The following AFG3L2 variants were observed in gnomAD, a reference collection of about 807,000 sequenced individuals.
AFG3L2 encodes AFG3 like matrix AAA peptidase subunit 2.
In AFG3L2, 54 loss-of-function variants were observed where a neutral mutation model predicts 94.5. The ratio of observed to expected loss-of-function variants is 0.57; its 90% CI spans 0.46 to 0.72. AFG3L2 has a LOEUF of 0.72. Among genes scored for constraint, AFG3L2 ranks in the 30% least tolerant of loss-of-function variants. AFG3L2 has a pLI of 0.00. For synonymous variants in AFG3L2, 377 were observed against 365.5 expected, an observed-to-expected ratio of 1.03 and a Z score of -0.36; for missense variants, 754 against 994.9, an observed-to-expected ratio of 0.76 and a Z score of 3.26.
At chr18:12,372,368 A>G in intron 1 of AFG3L2, among the ~76,000 whole-genome samples, 1 of 152,218 alleles carries the variant, frequency 6.6e-6, no homozygotes, top group East Asian at 1.9e-4. Context: ...CCTCACATCC[A>G]CTATAATCAA....
chr18:12,366,867 G>C (rs1908822545), intron 5 of AFG3L2, 98 bp downstream of exon 5: 16 of 1,494,502 alleles, frequency 1.1e-5, no homozygotes, highest in Non-Finnish European at 1.5e-5. Context: ...TTTTACAATG[G>C]ACGAGCCAGG....
chr18:12,345,370 A>T (rs987811251), intron 13 of AFG3L2, among the ~76,000 whole-genome samples: 2 of 152,176 alleles, frequency 1.3e-5, no homozygotes, highest in African/African-American at 4.8e-5. Context: ...GTACTAAAAC[A>T]AATCATCACA....
chr18:12,332,975 T>TAACATATAC (rs1907598345), intron 16 of AFG3L2, among the ~76,000 whole-genome samples: 2 of 34,012 alleles, frequency 5.9e-5, no homozygotes, highest in Admixed American at 3.6e-4. Context: ...ATATTATATA[T>TAACATATAC]TATATAAATA....
chr18:12,348,408 T>C, intron 12 of AFG3L2, 25 bp from the exon 13 acceptor site: 5 of 1,595,436 alleles, frequency 3.1e-6, no homozygotes, highest in Non-Finnish European at 4.3e-6. Flanking sequence ...CAGAACAGCT[T>C]ACCCACCGAA....
At chr18:12,359,779 G>T in intron 7 of AFG3L2, 148 bp downstream of exon 7, 1 of 1,004,720 alleles carries the variant, frequency 1.0e-6, no homozygotes, top group Non-Finnish European at 1.5e-6. Context: ...GCAAAAACTA[G>T]TGAGTTACTA....
chr18:12,372,759 T>C (rs1253233994), intron 1 of AFG3L2, among the ~76,000 whole-genome samples: 2 of 152,204 alleles, frequency 1.3e-5, no homozygotes, highest in East Asian at 3.8e-4. Flanking sequence ...AAACATCATA[T>C]TAAGTGAAAG....
intron 8 of AFG3L2, among the ~76,000 whole-genome samples, chr18:12,358,271 C>G (rs915140726): frequency 6.6e-6 from 1 of 152,190 alleles, no homozygotes; most frequent in Non-Finnish European, 1.5e-5. Flanking sequence ...GATCCTGTGC[C>G]GTGAACCTCA....
chr18:12,356,629 GC>G (rs1389526282), intron 9 of AFG3L2, 64 bp downstream of exon 9: 35 of 1,608,532 alleles, frequency 2.2e-5, no homozygotes, highest in Non-Finnish European at 3.0e-5. Flanking sequence ...TCTAGCAAGT[GC>G]CTCCATCTGT....
Position 12,364,774 on chromosome 18 carries a change from C to T in AFG3L2, c.553-918G>A, listed in dbSNP as rs146745939. Among the ~76,000 whole-genome samples, 239 of 152,236 alleles carry T rather than the reference C, an allele frequency of 1.6e-3. 1 individual carries two copies. The highest frequency in any genetic ancestry group is 5.1e-3 in the African/African-American group (211 of 41,544). The stretch of plus-strand genomic sequence containing the variant: ...TCAACTTCTCTGGGCACAAGAGATC[C>T]TCCCACCTCAGCTTCCTGAGTAGCT... On this transcript the variant is annotated intron_variant, in intron 5 of 16. Coordinates refer to ENST00000269143, the MANE Select transcript of AFG3L2 (RefSeq NM_006796.3).
chr18:12,338,449 C>A (rs901955951), intron 15 of AFG3L2, among the ~76,000 whole-genome samples: 1 of 152,170 alleles, frequency 6.6e-6, no homozygotes, highest in Non-Finnish European at 1.5e-5. Flanking sequence ...CTGATCCAGT[C>A]TGGACCCATG....
chr18:12,335,283 T>C (rs575603736), intron 16 of AFG3L2, among the ~76,000 whole-genome samples: 27 of 152,244 alleles, frequency 1.8e-4, no homozygotes, highest in Non-Finnish European at 2.8e-4. Flanking sequence ...TCTTCTACTC[T>C]ATGTTTACTT....
At chr18:12,334,180 T>C (rs1907671710) in intron 16 of AFG3L2, among the ~76,000 whole-genome samples, 1 of 152,236 alleles carries the variant, frequency 6.6e-6, no homozygotes, top group Non-Finnish European at 1.5e-5. Flanking sequence ...CCCTACCTCC[T>C]GGCTGGCTCT....
At chr18:12,346,669 C>T (rs1415797666) in intron 13 of AFG3L2, among the ~76,000 whole-genome samples, 1 of 152,060 alleles carries the variant, frequency 6.6e-6, no homozygotes, top group African/African-American at 2.4e-5. Context: ...TTTGGGAGGC[C>T]GAGGCAGGCA....
intron 3 of AFG3L2, 43 bp from the exon 4 acceptor site, chr18:12,367,425 T>C: frequency 6.3e-7 from 1 of 1,586,124 alleles, no homozygotes; most frequent in Non-Finnish European, 8.6e-7. Context: ...CGGCAAGGTT[T>C]TAGCTCTCTC....
intron 5 of AFG3L2, among the ~76,000 whole-genome samples, chr18:12,366,388 C>T (rs552651605): frequency 6.6e-6 from 1 of 152,276 alleles, no homozygotes; most frequent in Non-Finnish European, 1.5e-5. Flanking sequence ...AATATAGTCA[C>T]ACATGGGCAA....
chr18:12,331,637 T>C (rs1907527583), intron 16 of AFG3L2, among the ~76,000 whole-genome samples: 1 of 151,784 alleles, frequency 6.6e-6, no homozygotes, highest in Non-Finnish European at 1.5e-5. Flanking sequence ...CTACTAAAAA[T>C]ACAAAAATTA....
intron 16 of AFG3L2, among the ~76,000 whole-genome samples, chr18:12,333,861 G>A (rs1907663189): frequency 6.6e-6 from 1 of 152,204 alleles, no homozygotes; most frequent in South Asian, 2.1e-4. Flanking sequence ...GGAACGACCA[G>A]GGCTCTGCAG....
chr18:12,369,542 C>T (rs2143226297), intron 3 of AFG3L2, among the ~76,000 whole-genome samples: 1 of 150,954 alleles, frequency 6.6e-6, no homozygotes, highest in East Asian at 2.0e-4. Context: ...ACCAGCTTGG[C>T]CAACATGGTG....
rs150006998 is a variant in AFG3L2 at position 12,373,888 on chromosome 18, C to G, written c.115-2197G>C. On this transcript the variant is annotated intron_variant, in intron 1 of 16. Coordinates refer to ENST00000269143, the MANE Select transcript of AFG3L2 (RefSeq NM_006796.3). ...CAAGACACTCATGAGAGCTCCACCCCCATGGCCCAAACACCTCCCACTGGG... is the reference window on the plus strand; with the variant it reads ...CAAGACACTCATGAGAGCTCCACCCGCATGGCCCAAACACCTCCCACTGGG... 3.7e-3 allele frequency among the ~76,000 whole-genome samples: 566 copies of G among 152,308 alleles called. 7 individuals carry two copies. The highest frequency in any genetic ancestry group is 6.5e-3 in the Admixed American group (99 of 15,290).
Sources: allele counts gnomAD v4.1 joint callset (sites outside exome capture counted in the v4.1 genomes callset), GRCh38; gene constraint gnomAD v4.1.1; transcripts MANE v1.5; gene names NCBI Gene and HGNC (gene_info 2026-07-23, HGNC 2026-07-21).